The following ALMS1 variants were observed in gnomAD, a reference collection of about 807,000 sequenced individuals.
The protein encoded by ALMS1 is centrosome-associated protein ALMS1.
In ALMS1, 271 loss-of-function variants were observed where a neutral mutation model predicts 352.2. That is an observed-to-expected ratio of 0.77 (90% confidence interval 0.70 to 0.85). The LOEUF (loss-of-function observed/expected upper bound fraction) is 0.85. ALMS1 is among the 40% of genes least tolerant of loss of function. ALMS1 has a pLI of 0.00. For synonymous variants in ALMS1, 1,865 were observed against 1,761.2 expected (o/e 1.06, Z -1.48); for missense variants, 5,445 against 4,870.7 (o/e 1.12, Z -3.51).
chr2:73,601,408 T>G lies in ALMS1; in HGVS notation c.12086T>G (p.Leu4029Arg). The change falls in exon 19 of 23, where the codon CTG becomes CGG. Residue 4029 changes from leucine to arginine, a missense_variant. Physicochemically the swap from Leu to Arg is moderately radical, Grantham distance 102 (BLOSUM62 -2). Coordinates refer to ENST00000613296, the MANE Select transcript of ALMS1 (RefSeq NM_001378454.1). ...GPGREAGRDLLRPFVRATLQE... is the reference protein window; with the variant it reads ...GPGREAGRDLRRPFVRATLQE... The stretch of plus-strand genomic sequence containing the variant: ...GGCAGAGAGGCTGGCAGAGACCTAC[T>G]GAGGCCATTTGTGAGAGCAACCCTT... 6.2e-7 allele frequency: 1 copy of G among 1,614,138 alleles called. No homozygotes were observed. The highest frequency in any genetic ancestry group is 8.5e-7 in the Non-Finnish European group (1 of 1,179,986).
rs563057960 is a variant in ALMS1, at chr2:73,550,269, T to A, written c.9910T>A (p.Ser3304Thr). Residue 3304 changes from serine (S) to threonine (T), a missense_variant and splice_region_variant, in exon 13 of 23, where the codon TCC becomes ACC. Ser to Thr is a moderately conservative substitution (Grantham distance 58, BLOSUM62 1). Transcript: ENST00000613296. Reference protein sequence around the residue: ...DTTVESSHSGSNDAIAPDFPA... With the variant: ...DTTVESSHSGTNDAIAPDFPA... Reference sequence around the variant, plus strand: ...ATTACTTCCCCGTTTTTCTGTAGGATCCAATGATGCCATTGCTCCAGACTT... The same window carrying A: ...ATTACTTCCCCGTTTTTCTGTAGGAACCAATGATGCCATTGCTCCAGACTT... 4 of 1,614,066 alleles carry A rather than the reference T, an allele frequency of 2.5e-6. No individual in the cohort carries two copies. Among genetic ancestry groups the A allele is most frequent in the Non-Finnish European group, 3.4e-6 (4 of 1,179,982 alleles).
chr2:73,550,530 T>G, intron 13 of ALMS1, 93 bp downstream of exon 13: 1 of 1,507,172 alleles, frequency 6.6e-7, no homozygotes, highest in Non-Finnish European at 9.1e-7. Context: ...TTTTTCTGTT[T>G]TGTTATACAA....
intron 7 of ALMS1, among the ~76,000 whole-genome samples, chr2:73,439,448 A>G (rs1401294900): frequency 1.3e-5 from 2 of 152,006 alleles, no homozygotes; most frequent in Non-Finnish European, 2.9e-5. Flanking sequence ...TTTCAACCTT[A>G]CTATGTCATT....
At chr2:73,508,558 CTGTT>C (rs1175391618) in intron 10 of ALMS1, among the ~76,000 whole-genome samples, 1 of 152,042 alleles carries the variant, frequency 6.6e-6, no homozygotes. Flanking sequence ...GTCTGAGGGA[CTGTT>C]TGTTATGATT....
chr2:73,422,741 T>C, intron 3 of ALMS1, 116 bp from the exon 4 acceptor site: 1 of 856,966 alleles, frequency 1.2e-6, no homozygotes, highest in Admixed American at 1.8e-5. Context: ...ATTATTATTC[T>C]AATGCTTGTA....
At chr2:73,481,556 G>A (rs973884492) in intron 9 of ALMS1, among the ~76,000 whole-genome samples, 12 of 151,936 alleles carry the variant, frequency 7.9e-5, no homozygotes, top group African/African-American at 2.7e-4. Flanking sequence ...ACTTGGCGAT[G>A]CAGGCTCTTT....
chr2:73,464,520 C>T (rs1368202019), intron 9 of ALMS1, among the ~76,000 whole-genome samples: 7 of 152,184 alleles, frequency 4.6e-5, no homozygotes, highest in Admixed American at 2.6e-4. Context: ...GAAGCATTCC[C>T]TTTGAAAACA....
intron 6 of ALMS1, among the ~76,000 whole-genome samples, chr2:73,428,683 T>G (rs1671442547): frequency 6.6e-6 from 1 of 152,230 alleles, no homozygotes. Flanking sequence ...TCTTTCAATC[T>G]AAGGAAGATG....
chr2:73,499,830 C>T (rs138075034), intron 10 of ALMS1, among the ~76,000 whole-genome samples: 1 of 152,102 alleles, frequency 6.6e-6, no homozygotes, highest in Non-Finnish European at 1.5e-5. Flanking sequence ...TCGTAGTTCA[C>T]CCAAGAGCTG....
intron 20 of ALMS1, among the ~76,000 whole-genome samples, chr2:73,602,853 A>T (rs1172188584): frequency 6.6e-6 from 1 of 152,210 alleles, no homozygotes. Context: ...AAGATGACAT[A>T]CCTAGTAAGT....
intron 16 of ALMS1, among the ~76,000 whole-genome samples, chr2:73,574,689 T>G (rs537116979): frequency 1.1e-4 from 16 of 152,126 alleles, no homozygotes; most frequent in Non-Finnish European, 2.1e-4. Flanking sequence ...TTGGGAATGG[T>G]ACAGAGTAAG....
rs960787789 is a variant in ALMS1, at chr2:73,590,522, A to G, written c.11548-8879A>G. Among the ~76,000 whole-genome samples the G allele has an allele frequency of 9.9e-5, 15 of 152,248 alleles. No individual in the cohort carries two copies. The East Asian group carries it at 1.5e-3, about 16-fold the overall frequency. On this transcript the variant is annotated intron_variant, in intron 16 of 22. Coordinates refer to ENST00000613296, the MANE Select transcript of ALMS1 (RefSeq NM_001378454.1). ...TGCTAATGCTTTAAATTGCATTTCT[A>G]TTAGGTTTCAGATTTGCCATTTACA...
chr2:73,609,516 C>T (rs1484115741), intron 22 of ALMS1, 52 bp from the exon 23 acceptor site: 1 of 1,568,998 alleles, frequency 6.4e-7, no homozygotes, highest in Non-Finnish European at 8.8e-7. Flanking sequence ...AGGCATCTGC[C>T]TCTGATGGCA....
chr2:73,493,834 T>G lies in ALMS1; in HGVS notation c.9539+2336T>G, dbSNP rs545952016. On this transcript the variant is annotated intron_variant, in intron 10 of 22. Coordinates refer to ENST00000613296, the MANE Select transcript of ALMS1 (RefSeq NM_001378454.1). ...ATTTTAGACTTAGGAGTTGCAGAAA[T>G]AGCACAGAGAGTTTCTGTATTATCT... Among the ~76,000 whole-genome samples, 7 of 152,346 alleles carry G rather than the reference T, an allele frequency of 4.6e-5. No individual in the cohort carries two copies. In the South Asian group the frequency reaches 1.4e-3, roughly 32 times the overall value.
At position 73,490,344 on chromosome 2, in the gene ALMS1, C is replaced by T. The variant is rs746517611; in HGVS notation, c.8385C>T (p.Ser2795=). 6.2e-7 allele frequency: 1 copy of T among 1,612,152 alleles called. No homozygotes were observed. Among genetic ancestry groups the T allele is most frequent in the South Asian group, 1.1e-5 (1 of 90,748 alleles). The part of the protein sequence containing the change: ...VTILAEGRRQ[S]QKLPVDFERS... ...TTTTAGCAGAAGGTAGAAGGCAAAG[C>T]CAAAAATTACCTGTTGATTTTGAGC... The change falls in exon 10 of 23, where the codon AGC becomes AGT. Residue 2795 remains serine, a synonymous_variant. Coordinates refer to ENST00000613296, the MANE Select transcript of ALMS1 (RefSeq NM_001378454.1).
chr2:73,482,274 GTT>G (rs1203250458), intron 9 of ALMS1, among the ~76,000 whole-genome samples: 1 of 152,170 alleles, frequency 6.6e-6, no homozygotes, highest in Admixed American at 6.5e-5. Context: ...TCTATTGAGA[GTT>G]TTTAGCATGA....
chr2:73,606,999 A>G (rs1675830726), intron 21 of ALMS1, among the ~76,000 whole-genome samples: 1 of 152,176 alleles, frequency 6.6e-6, no homozygotes, highest in Admixed American at 6.5e-5. Flanking sequence ...CCCTCCATGA[A>G]TCTAGTGATT....
chr2:73,504,688 T>C (rs976309799), intron 10 of ALMS1, among the ~76,000 whole-genome samples: 16 of 152,318 alleles, frequency 1.1e-4, no homozygotes, highest in Admixed American at 3.9e-4. Flanking sequence ...TTGAAGGACA[T>C]TGTTTCCAAT....
chr2:73,505,900 T>A (rs1386555212), intron 10 of ALMS1, among the ~76,000 whole-genome samples: 1 of 152,218 alleles, frequency 6.6e-6, no homozygotes, highest in African/African-American at 2.4e-5. Context: ...GCCTAGGTTT[T>A]TTTGTAGGGT....
Sources: gnomAD v4.1 joint callset for allele counts (sites outside exome capture counted in the v4.1 genomes callset) on GRCh38, gnomAD v4.1.1 for gene constraint, MANE v1.5 for transcripts, NCBI Gene and HGNC (gene_info 2026-07-23, HGNC 2026-07-21) for gene names.